The following FOXP1 variants were observed in gnomAD, a reference collection of about 807,000 sequenced individuals.
The protein encoded by FOXP1 is forkhead box protein P1.
A neutral mutation model predicts 98.2 loss-of-function variants in FOXP1; 15 were observed. The observed-to-expected ratio is 0.15, with a 90% confidence interval of 0.10 to 0.24. The LOEUF is 0.24. FOXP1 is among the 10% of genes least tolerant of loss of function. The pLI, the probability that FOXP1 is intolerant of heterozygous loss-of-function variation, is 1.00. For synonymous variants in FOXP1, 371 were observed against 314.5 expected (o/e 1.18, Z -1.90); for missense variants, 633 against 848.5 (o/e 0.75, Z 3.15).
chr3:71,055,733 G>A (rs1576470944), intron 7 of FOXP1, among the ~76,000 whole-genome samples: 1 of 152,146 alleles, frequency 6.6e-6, no homozygotes, highest in Admixed American at 6.5e-5. Context: ...TAAAGCCAGC[G>A]TATCACAATA....
chr3:71,388,461 T>G (rs540560088), intron 3 of FOXP1, among the ~76,000 whole-genome samples: 14 of 152,286 alleles, frequency 9.2e-5, no homozygotes, highest in African/African-American at 3.4e-4. Context: ...GAACATGCAT[T>G]ACTTCATCAA....
chr3:71,243,237 T>A (rs2067436099), intron 5 of FOXP1, among the ~76,000 whole-genome samples: 1 of 152,208 alleles, frequency 6.6e-6, no homozygotes, highest in Non-Finnish European at 1.5e-5. Context: ...CAAGCATAAT[T>A]AGCAGCTTTC....
At position 71,408,007 on chromosome 3, in the gene FOXP1, G is replaced by A. The variant is rs181080453; in HGVS notation, c.-167-48763C>T. Among the ~76,000 whole-genome samples, 32 of 152,042 alleles carry A rather than the reference G, an allele frequency of 2.1e-4. 1 individual carries two copies. The highest frequency in any genetic ancestry group is 9.8e-4 in the Admixed American group (15 of 15,266). On this transcript the variant is annotated intron_variant, in intron 3 of 20. Transcript: ENST00000649528. ...CTTGATCACTGTCCTTTTCTTCCTC[G>A]TCAGGAAAGAGAGCAGTCAAGCAGG... is the stretch of plus-strand genomic sequence containing the variant.
At chr3:71,259,242 C>T (rs2068894437) in intron 5 of FOXP1, among the ~76,000 whole-genome samples, 1 of 152,202 alleles carries the variant, frequency 6.6e-6, no homozygotes, top group African/African-American at 2.4e-5. Context: ...CCCAGAAGAG[C>T]CCAAGCTTAA....
At chr3:71,205,600 T>C (rs7372960) in intron 5 of FOXP1, among the ~76,000 whole-genome samples, 31,118 of 151,780 alleles carry the variant, frequency 0.21, 3,673 homozygotes, top group Non-Finnish European at 0.25. Flanking sequence ...CTCAGGTGAG[T>C]AGAGGCTAAG....
intron 5 of FOXP1, among the ~76,000 whole-genome samples, chr3:71,296,704 C>CAT (rs2073333662): frequency 2.2e-5 from 2 of 89,766 alleles, no homozygotes; most frequent in Admixed American, 2.3e-4. Context: ...CTCCAAATCT[C>CAT]CCTCTTGAAA....
intron 6 of FOXP1, among the ~76,000 whole-genome samples, chr3:71,172,861 A>G (rs1400941128): frequency 6.6e-6 from 1 of 152,162 alleles, no homozygotes; most frequent in Non-Finnish European, 1.5e-5. Context: ...AAATTACTGA[A>G]GCGCCAATTG....
chr3:71,164,358 C>T (rs1394098719), intron 6 of FOXP1, among the ~76,000 whole-genome samples: 1 of 152,104 alleles, frequency 6.6e-6, no homozygotes, highest in Non-Finnish European at 1.5e-5. Context: ...CGCCACCACG[C>T]CCGGAGAATT....
intron 6 of FOXP1, among the ~76,000 whole-genome samples, chr3:71,115,313 A>AT (rs1384854939): frequency 2.5e-5 from 3 of 121,790 alleles, no homozygotes; most frequent in Non-Finnish European, 5.0e-5. Context: ...TATTATTATT[A>AT]TTATTTTATT....
At chr3:71,154,472 A>C (rs1042139636) in intron 6 of FOXP1, among the ~76,000 whole-genome samples, 4 of 152,234 alleles carry the variant, frequency 2.6e-5, no homozygotes, top group South Asian at 2.1e-4. Context: ...TCTAAGAGGA[A>C]GTATCTCACA....
chr3:71,122,310 C>T (rs861251), intron 6 of FOXP1, among the ~76,000 whole-genome samples: 46,515 of 152,004 alleles, frequency 0.31, 7,656 homozygotes, highest in East Asian at 0.6. Context: ...TTAGAGGCAA[C>T]ATTCCAGCAG....
At chr3:71,186,451 G>A (rs1461982233) in intron 6 of FOXP1, among the ~76,000 whole-genome samples, 2 of 152,230 alleles carry the variant, frequency 1.3e-5, no homozygotes, top group African/African-American at 2.4e-5. Flanking sequence ...GGTGGCTCAC[G>A]CCTGTAATCC....
At chr3:71,441,225 T>C (rs2085905616) in intron 3 of FOXP1, among the ~76,000 whole-genome samples, 1 of 152,230 alleles carries the variant, frequency 6.6e-6, no homozygotes, top group African/African-American at 2.4e-5. Context: ...GGATCAGTCA[T>C]TCTCATGGAA....
At position 71,012,170 on chromosome 3, in the gene FOXP1, T is replaced by C. The variant is rs142681892; in HGVS notation, c.974+3379A>G. Among the ~76,000 whole-genome samples the C allele has an allele frequency of 2.5e-3, 386 of 152,278 alleles. 12 individuals carry two copies. Among genetic ancestry groups the C allele is most frequent in the Admixed American group, 0.02 (298 of 15,278 alleles). ...GTTCTAGAGACTTTATAACAATAAATCATATTTACAGATGTTTATCAGCCA... is the reference window on the plus strand; with the variant it reads ...GTTCTAGAGACTTTATAACAATAAACCATATTTACAGATGTTTATCAGCCA... On this transcript the variant is annotated intron_variant, in intron 12 of 20. Transcript: ENST00000649528.
intron 5 of FOXP1, among the ~76,000 whole-genome samples, chr3:71,253,635 C>T (rs746313809): frequency 2.6e-5 from 4 of 151,984 alleles, no homozygotes; most frequent in Non-Finnish European, 5.9e-5. Context: ...ACAAATAACT[C>T]GAAGATTTAA....
chr3:71,059,715 TAAC>T (rs1031253055), intron 7 of FOXP1, among the ~76,000 whole-genome samples: 3 of 152,128 alleles, frequency 2.0e-5, no homozygotes, highest in East Asian at 1.9e-4. Context: ...CATTTTATAT[TAAC>T]AACAACAACA....
chr3:71,564,389 G>A lies in FOXP1; in HGVS notation c.-298+17160C>T, dbSNP rs140213343. Among the ~76,000 whole-genome samples, 468 of 152,288 alleles carry A rather than the reference G, an allele frequency of 3.1e-3. 3 individuals are homozygous for A. The highest frequency in any genetic ancestry group is 0.011 in the African/African-American group (450 of 41,558). ...AGGCACCCTGTGTCACATTCCACAT[G>A]GATTATCTCATTTAATCCACCGAAC... On this transcript the variant is annotated intron_variant, in intron 2 of 20. Coordinates refer to ENST00000649528, the MANE Select transcript of FOXP1 (RefSeq NM_001349338.3).
At chr3:71,575,059 G>C (rs1381501244) in intron 2 of FOXP1, among the ~76,000 whole-genome samples, 3 of 152,194 alleles carry the variant, frequency 2.0e-5, no homozygotes, top group Non-Finnish European at 2.9e-5. Flanking sequence ...AGGACCATGT[G>C]GGATGCGATT....
intron 6 of FOXP1, among the ~76,000 whole-genome samples, chr3:71,157,736 C>T (rs35871620): frequency 0.16 from 24,315 of 152,144 alleles, 2,591 homozygotes; most frequent in Middle Eastern, 0.34. Context: ...GCTAGTGATA[C>T]AAAGTTGGGC....
Sources: allele counts gnomAD v4.1 joint callset (sites outside exome capture counted in the v4.1 genomes callset), GRCh38; gene constraint gnomAD v4.1.1; transcripts MANE v1.5; gene names NCBI Gene and HGNC (gene_info 2026-07-23, HGNC 2026-07-21).